TAFA2: variants seen among roughly 807,000 people sequenced by gnomAD.
TAFA2 encodes the protein TAFA chemokine like family member 2.
TAFA2 carries 7 observed loss-of-function variants against 18.8 expected under a neutral mutation model. The observed-to-expected ratio is 0.37, with a 90% CI of 0.21 to 0.70. The LOEUF is 0.70. Among genes scored for constraint, TAFA2 ranks in the 30% least tolerant of loss-of-function variants. TAFA2 has a pLI of 0.53. For synonymous variants in TAFA2, 60 were observed against 54.2 expected, an observed-to-expected ratio of 1.11 and a Z score of -0.47; for missense variants, 122 against 158.1, an observed-to-expected ratio of 0.77 and a Z score of 1.23.
intron 1 of TAFA2, among the ~76,000 whole-genome samples, chr12:61,886,643 G>C (rs1019916583): frequency 4.6e-5 from 7 of 152,144 alleles, no homozygotes; most frequent in Admixed American, 4.6e-4. Flanking sequence ...GTCCACATCT[G>C]TGTCCACTTG....
intron 1 of TAFA2, among the ~76,000 whole-genome samples, chr12:62,064,549 T>C (rs564192680): frequency 6.6e-6 from 1 of 152,210 alleles, no homozygotes; most frequent in South Asian, 2.1e-4. Flanking sequence ...TCAAATCTGT[T>C]GGACTTCGGT....
chr12:61,998,549 G>A (rs1029090935), intron 1 of TAFA2, among the ~76,000 whole-genome samples: 1 of 152,094 alleles, frequency 6.6e-6, no homozygotes, highest in African/African-American at 2.4e-5. Flanking sequence ...AATAGTCACA[G>A]TTATATTAAG....
At chr12:62,149,154 AT>A (rs975319174) in intron 1 of TAFA2, among the ~76,000 whole-genome samples, 26 of 152,340 alleles carry the variant, frequency 1.7e-4, no homozygotes, top group African/African-American at 4.8e-4. Flanking sequence ...CCCACTATGT[AT>A]TCTTGATATG....
In TAFA2 at chr12:61,733,177, C is replaced by T. The variant is rs376709930; in HGVS notation, c.384+20445G>A. ...ATTGTAGATTCTGGATATTAGCCCT[C>T]TGTCAGATGAGTAGGTTGTGAAAAT... On this transcript the variant is annotated intron_variant, in intron 4 of 4. Coordinates refer to ENST00000416284, the MANE Select transcript of TAFA2 (RefSeq NM_178539.5). Among the ~76,000 whole-genome samples the T allele has an allele frequency of 6.2e-3, 940 of 152,104 alleles. 3 individuals carry two copies. The highest frequency in any genetic ancestry group is 0.021 in the African/African-American group (865 of 41,520).
chr12:62,108,065 G>T (rs1376684973), intron 1 of TAFA2, among the ~76,000 whole-genome samples: 1 of 152,010 alleles, frequency 6.6e-6, no homozygotes, highest in Non-Finnish European at 1.5e-5. Flanking sequence ...GTATACACGT[G>T]CCATGGTGGT....
chr12:61,852,432 T>C (rs943296256), intron 2 of TAFA2, among the ~76,000 whole-genome samples: 4 of 152,174 alleles, frequency 2.6e-5, no homozygotes, highest in African/African-American at 9.7e-5. Context: ...GAATGCTTTC[T>C]GAACCTTCAG....
At chr12:62,067,901 T>A (rs1882532203) in intron 1 of TAFA2, among the ~76,000 whole-genome samples, 1 of 152,122 alleles carries the variant, frequency 6.6e-6, no homozygotes, top group African/African-American at 2.4e-5. Context: ...ATTTGTTTAC[T>A]GCATTTATTT....
At chr12:61,870,617 G>A (rs1874557579) in intron 1 of TAFA2, among the ~76,000 whole-genome samples, 1 of 151,874 alleles carries the variant, frequency 6.6e-6, no homozygotes, top group Non-Finnish European at 1.5e-5. Flanking sequence ...ATGTCATTTT[G>A]TCCCATCTTT....
At chr12:62,175,139 T>C (rs1369352340) in intron 1 of TAFA2, among the ~76,000 whole-genome samples, 1 of 152,234 alleles carries the variant, frequency 6.6e-6, no homozygotes, top group African/African-American at 2.4e-5. Flanking sequence ...GATCAATGCT[T>C]ATGTAACTTC....
chr12:61,876,473 C>T (rs1874851139), intron 1 of TAFA2, among the ~76,000 whole-genome samples: 1 of 152,096 alleles, frequency 6.6e-6, no homozygotes, highest in African/African-American at 2.4e-5. Flanking sequence ...GGTCAATATG[C>T]CAGCCAGCAC....
rs370305179 is a variant in TAFA2, at chr12:61,953,446, TAGG to T, written c.-1-86023_-1-86021del. 2.7e-3 allele frequency among the ~76,000 whole-genome samples: 410 copies of T among 150,998 alleles called. 3 individuals are homozygous for T. The highest frequency in any genetic ancestry group is 9.5e-3 in the African/African-American group (381 of 40,296). ...GGGTAATTGCAGTGAAGTTATATTG[TAGG>T]ATAAAGGAAAATAAAACACACTATA... On this transcript the variant is annotated intron_variant, in intron 1 of 4. Transcript: ENST00000416284.
chr12:61,734,833 A>G (rs983166534), intron 4 of TAFA2, among the ~76,000 whole-genome samples: 3 of 151,962 alleles, frequency 2.0e-5, no homozygotes, highest in Non-Finnish European at 4.4e-5. Flanking sequence ...CAGTGGTAAT[A>G]ACTACCTTTA....
chr12:61,983,838 G>A (rs1397461615), intron 1 of TAFA2, among the ~76,000 whole-genome samples: 1 of 152,120 alleles, frequency 6.6e-6, no homozygotes, highest in South Asian at 2.1e-4. Flanking sequence ...TATGACTTCA[G>A]GTTTACTCAT....
intron 1 of TAFA2, among the ~76,000 whole-genome samples, chr12:62,143,761 G>A (rs1332694647): frequency 6.6e-6 from 1 of 151,932 alleles, no homozygotes; most frequent in Non-Finnish European, 1.5e-5. Flanking sequence ...CTTAAAATTC[G>A]GCAGGGTGTG....
intron 2 of TAFA2, among the ~76,000 whole-genome samples, chr12:61,838,663 C>G (rs904428352): frequency 2.0e-5 from 3 of 151,954 alleles, no homozygotes; most frequent in African/African-American, 7.2e-5. Flanking sequence ...CAAACAAAGG[C>G]AACTCAATGA....
intron 1 of TAFA2, among the ~76,000 whole-genome samples, chr12:62,090,981 C>T (rs1194819837): frequency 1.3e-5 from 2 of 151,962 alleles, no homozygotes; most frequent in African/African-American, 4.8e-5. Context: ...CATTGTTTTG[C>T]CACTTTCAGA....
intron 1 of TAFA2, among the ~76,000 whole-genome samples, chr12:61,891,626 C>A (rs182602108): frequency 2.6e-3 from 393 of 151,400 alleles, no homozygotes; most frequent in Non-Finnish European, 4.5e-3. Flanking sequence ...CCAGCCTGGG[C>A]AACAAGAGCA....
chr12:61,997,235 T>C lies in TAFA2; in HGVS notation c.-1-129809A>G, dbSNP rs572642410. ...CCATTAAGTGGTCGTAAGTGCAATT[T>C]AAAAAAGTAAAATAATGAGTGATGG... On this transcript the variant is annotated intron_variant, in intron 1 of 4. Coordinates refer to ENST00000416284, the MANE Select transcript of TAFA2 (RefSeq NM_178539.5). Among the ~76,000 whole-genome samples the C allele has an allele frequency of 4.8e-5, 7 of 146,400 alleles. No homozygotes were observed. In the East Asian group the frequency reaches 1.5e-3, roughly 30 times the overall value.
At position 61,880,089 on chromosome 12, in the gene TAFA2, T is replaced by C. The variant is rs1390307339; in HGVS notation, c.-1-12663A>G. On this transcript the variant is annotated intron_variant, in intron 1 of 4. Coordinates refer to ENST00000416284, the MANE Select transcript of TAFA2 (RefSeq NM_178539.5). Reference sequence around the variant, plus strand: ...ATAGACAGCAGCCACTCCCTGGACATGGACAACATCATCACTGAGGTCAAG... The same window carrying C: ...ATAGACAGCAGCCACTCCCTGGACACGGACAACATCATCACTGAGGTCAAG... The C allele has an allele frequency of 9.3e-6, 6 of 641,798 alleles. No homozygotes were observed. The African/African-American group carries it at 1.1e-4, about 12-fold the overall frequency. 39.8% of individuals were successfully genotyped at this position (641,798 alleles called of 1,614,324 possible). A position where few individuals can be genotyped will look rare whatever the true frequency, so the allele number is the denominator to read the frequency against.
Sources: allele counts gnomAD v4.1 joint callset (sites outside exome capture counted in the v4.1 genomes callset), GRCh38; gene constraint gnomAD v4.1.1; transcripts MANE v1.5; gene names NCBI Gene and HGNC (gene_info 2026-07-23, HGNC 2026-07-21).